The following SLC30A8 variants were observed in gnomAD, a reference collection of about 807,000 sequenced individuals.
SLC30A8 encodes proton-coupled zinc antiporter SLC30A8.
In SLC30A8, 27 loss-of-function variants were observed where a neutral mutation model predicts 36.9. The ratio of observed to expected loss-of-function variants is 0.73; its 90% CI spans 0.54 to 1.01. SLC30A8 has a LOEUF of 1.01. Ranked by LOEUF, SLC30A8 falls within the 50% of genes least tolerant of loss-of-function variation. SLC30A8 has a pLI of 0.00. For missense variants in SLC30A8, 439 were observed against 452.0 expected, an observed-to-expected ratio of 0.97 and a Z score of 0.26; for synonymous variants, 164 against 172.4, an observed-to-expected ratio of 0.95 and a Z score of 0.38.
intron 1 of SLC30A8, among the ~76,000 whole-genome samples, chr8:117,006,756 A>G (rs1186485539): frequency 6.9e-6 from 1 of 145,922 alleles, no homozygotes; most frequent in Non-Finnish European, 1.5e-5. Flanking sequence ...GCTAAGACTG[A>G]GAGTTGAGTC....
intron 1 of SLC30A8, among the ~76,000 whole-genome samples, chr8:116,977,212 G>A (rs558186028): frequency 1.1e-3 from 130 of 121,476 alleles, no homozygotes; most frequent in Non-Finnish European, 1.6e-3. Flanking sequence ...GCAGTGGCAC[G>A]ATTTCCGTTC....
chr8:117,088,755 C>T (rs1818984620), intron 2 of SLC30A8, among the ~76,000 whole-genome samples: 1 of 152,176 alleles, frequency 6.6e-6, no homozygotes, highest in Non-Finnish European at 1.5e-5. Flanking sequence ...CACGTAGACC[C>T]TATGATTTCA....
upstream of SLC30A8, among the ~76,000 whole-genome samples, chr8:117,132,439 G>A (rs920789037): frequency 6.6e-6 from 1 of 152,008 alleles, no homozygotes; most frequent in Non-Finnish European, 1.5e-5. Context: ...GTTATAGATT[G>A]TGTGTTTCCC....
Position 117,090,234 on chromosome 8 carries a change from T to A in SLC30A8, c.-225-45046T>A, listed in dbSNP as rs188689707. Among the ~76,000 whole-genome samples the A allele has an allele frequency of 3.5e-4, 54 of 152,334 alleles. No individual in the cohort carries two copies. In the East Asian group the frequency reaches 9.8e-3, roughly 28 times the overall value. Reference sequence around the variant, plus strand: ...GGGTCAGCCTCCCAAAGTGCTGGGATTACAGGCATGAGCCACTGCACCTGG... The same window carrying A: ...GGGTCAGCCTCCCAAAGTGCTGGGAATACAGGCATGAGCCACTGCACCTGG... On this transcript the variant is annotated intron_variant, in intron 2 of 10. Coordinates refer to the SLC30A8 transcript ENST00000427715.
At chr8:117,162,519 A>T (rs1043107500) in intron 5 of SLC30A8, among the ~76,000 whole-genome samples, 10 of 152,180 alleles carry the variant, frequency 6.6e-5, no homozygotes, top group Non-Finnish European at 1.0e-4. Flanking sequence ...TATCCACTGC[A>T]GATCTCTACC....
intron 2 of SLC30A8, among the ~76,000 whole-genome samples, chr8:117,111,377 A>C (rs1052335549): frequency 2.0e-5 from 3 of 152,184 alleles, no homozygotes; most frequent in Admixed American, 2.0e-4. Context: ...AGACTTTAGC[A>C]GTAGACCACT....
intron 1 of SLC30A8, among the ~76,000 whole-genome samples, chr8:116,977,172 A>T (rs1156899950): frequency 1.7e-5 from 1 of 58,360 alleles, no homozygotes; most frequent in Non-Finnish European, 3.1e-5. Flanking sequence ...TTTGAGATTC[A>T]GTCAGTCGCT....
At chr8:117,109,223 C>T (rs577140109) in intron 2 of SLC30A8, among the ~76,000 whole-genome samples, 9 of 152,140 alleles carry the variant, frequency 5.9e-5, no homozygotes, top group African/African-American at 1.9e-4. Context: ...GGGACAGCCC[C>T]GTGTAAAAGT....
At chr8:116,985,612 T>G (rs560138370) in intron 1 of SLC30A8, among the ~76,000 whole-genome samples, 5 of 152,248 alleles carry the variant, frequency 3.3e-5, no homozygotes, top group African/African-American at 1.2e-4. Flanking sequence ...ATTATTAAAT[T>G]ACAGATACAA....
chr8:117,073,861 G>A (rs1380421786), intron 2 of SLC30A8, among the ~76,000 whole-genome samples: 1 of 151,914 alleles, frequency 6.6e-6, no homozygotes, highest in African/African-American at 2.4e-5. Context: ...TAAGTTCCCC[G>A]TCAGCCCTCC....
chr8:117,169,839 A>G (rs1823279639), intron 6 of SLC30A8, among the ~76,000 whole-genome samples: 1 of 152,118 alleles, frequency 6.6e-6, no homozygotes, highest in Non-Finnish European at 1.5e-5. Flanking sequence ...GCCATGAGGG[A>G]TCTGGCACCA....
Position 116,973,149 on chromosome 8 carries a change from C to G in SLC30A8, c.-266+22030C>G, listed in dbSNP as rs554256315. 2.6e-5 allele frequency among the ~76,000 whole-genome samples: 4 copies of G among 152,322 alleles called. No individual in the cohort carries two copies. The South Asian group carries it at 8.3e-4, about 32-fold the overall frequency. ...CTATGAGCCAGGAAATAAGCCCTCA[C>G]CAGCCATCAGATGTGGTACCTTGAT... On this transcript the variant is annotated intron_variant, in intron 1 of 10. Coordinates refer to the SLC30A8 transcript ENST00000427715.
chr8:117,018,672 C>CA (rs1182501599), intron 1 of SLC30A8, among the ~76,000 whole-genome samples: 6 of 123,530 alleles, frequency 4.9e-5, no homozygotes, highest in African/African-American at 1.2e-4. Context: ...AGCCCCCCCC[C>CA]CCCTTTTTTT....
chr8:117,126,545 C>CCAT (rs1820910560), intron 2 of SLC30A8, among the ~76,000 whole-genome samples: 4 of 149,588 alleles, frequency 2.7e-5, no homozygotes, highest in Non-Finnish European at 5.9e-5. Context: ...CATCCACCAA[C>CCAT]CCATCCATCC....
chr8:116,986,490 C>T (rs902254162), intron 1 of SLC30A8, among the ~76,000 whole-genome samples: 9 of 152,124 alleles, frequency 5.9e-5, no homozygotes, highest in African/African-American at 1.4e-4. Flanking sequence ...GAAGCTGGAT[C>T]GAAAACTTAA....
At chr8:117,064,080 C>A (rs991202584) in intron 2 of SLC30A8, among the ~76,000 whole-genome samples, 1 of 152,034 alleles carries the variant, frequency 6.6e-6, no homozygotes, top group African/African-American at 2.4e-5. Context: ...TCACTGCAAC[C>A]TCCCAGGTTC....
At chr8:117,089,766 G>T (rs1819029783) in intron 2 of SLC30A8, among the ~76,000 whole-genome samples, 2 of 151,928 alleles carry the variant, frequency 1.3e-5, no homozygotes, top group South Asian at 4.2e-4. Flanking sequence ...TGCCCTTTCT[G>T]TAAAGTCCAG....
chr8:117,146,091 A>G (rs7832958), intron 1 of SLC30A8, among the ~76,000 whole-genome samples: 15,850 of 152,130 alleles, frequency 0.1, 1,393 homozygotes, highest in African/African-American at 0.24. Context: ...TATCTATCAT[A>G]TGCTTCAAAA....
In SLC30A8 at chr8:117,148,288, G is replaced by T. The variant is rs116050789; in HGVS notation, c.271+1135G>T. 5.0e-3 allele frequency among the ~76,000 whole-genome samples: 760 copies of T among 151,996 alleles called. 8 individuals are homozygous for T. Among genetic ancestry groups the T allele is most frequent in the African/African-American group, 0.017 (716 of 41,474 alleles). ...AGATATATTGTATGCTCTAAGGACT[G>T]AATTTTTTTCTAAATAACAGTTTTC... is the stretch of plus-strand genomic sequence containing the variant. On this transcript the variant is annotated intron_variant, in intron 2 of 7. Transcript: ENST00000456015.
Sources: allele counts gnomAD v4.1 joint callset (sites outside exome capture counted in the v4.1 genomes callset), GRCh38; gene constraint gnomAD v4.1.1; transcripts MANE v1.5; gene names NCBI Gene and HGNC (gene_info 2026-07-23, HGNC 2026-07-21).